TNS4: variants seen among roughly 807,000 people sequenced by gnomAD.
The protein encoded by TNS4 is tensin-4.
Under a neutral mutation model 70.4 loss-of-function variants are expected in TNS4, and 46 were observed. The ratio of observed to expected loss-of-function variants is 0.65; its 90% CI spans 0.52 to 0.84. The LOEUF (loss-of-function observed/expected upper bound fraction) is 0.84, where lower values mean the gene tolerates loss of function less well. TNS4 is among the 40% of genes least tolerant of loss of function. TNS4 has a pLI of 0.00. For missense variants in TNS4, 863 were observed against 907.0 expected (o/e 0.95, Z 0.62); for synonymous variants, 390 against 366.6 (o/e 1.06, Z -0.73).
intron 2 of TNS4, among the ~76,000 whole-genome samples, chr17:40,492,022 T>C (rs942411578): frequency 3.3e-5 from 5 of 152,134 alleles, no homozygotes; most frequent in Non-Finnish European, 7.4e-5. Flanking sequence ...CCACATTCTC[T>C]GTGGGATGGG....
chr17:40,484,649 C>T (rs372260006), intron 5 of TNS4, 40 bp from the exon 6 acceptor site: 162 of 1,607,312 alleles, frequency 1.0e-4, no homozygotes, highest in Non-Finnish European at 1.4e-4. Flanking sequence ...ACCGCCCCAC[C>T]TGGACACCCT....
intron 9 of TNS4, 127 bp downstream of exon 9, chr17:40,480,573 C>A (rs17557153): frequency 0.44 from 412,202 of 936,002 alleles, 96,841 homozygotes; most frequent in Non-Finnish European, 0.48. Flanking sequence ...GATGCAGAAA[C>A]AAAGCTGAGA....
chr17:40,488,338 A>T (rs2036019692), intron 3 of TNS4, among the ~76,000 whole-genome samples: 1 of 152,214 alleles, frequency 6.6e-6, no homozygotes, highest in Admixed American at 6.5e-5. Flanking sequence ...GGTAGCTATA[A>T]GTCAAGACTT....
chr17:40,486,026 G>A (rs377327168), intron 4 of TNS4, among the ~76,000 whole-genome samples: 103 of 151,774 alleles, frequency 6.8e-4, no homozygotes, highest in African/African-American at 1.5e-3. Flanking sequence ...GCCTGTGAGC[G>A]TCATGGCCAA....
At chr17:40,485,635 T>A (rs2035980886) in intron 4 of TNS4, among the ~76,000 whole-genome samples, 1 of 152,194 alleles carries the variant, frequency 6.6e-6, no homozygotes, top group African/African-American at 2.4e-5. Context: ...TTAGGAATAT[T>A]TTGCAGAATT....
intron 8 of TNS4, among the ~76,000 whole-genome samples, chr17:40,481,846 A>G (rs1425496248): frequency 2.0e-5 from 3 of 152,188 alleles, no homozygotes; most frequent in Non-Finnish European, 4.4e-5. Context: ...TTTATCCAAC[A>G]TCCATTCTAT....
chr17:40,480,069 A>C, intron 9 of TNS4: 2 of 564,238 alleles, frequency 3.5e-6, no homozygotes, highest in Non-Finnish European at 6.2e-6. Context: ...CTGGCCCTCC[A>C]GCATGGGGCA....
chr17:40,484,502 AC>A lies in TNS4; in HGVS notation c.1482del (p.Ser495LeufsTer93). 6.2e-7 allele frequency: 1 copy of A among 1,611,560 alleles called. No homozygotes were observed. Among genetic ancestry groups the A allele is most frequent in the Non-Finnish European group, 8.5e-7 (1 of 1,179,986 alleles). On this transcript the variant is annotated frameshift_variant, in exon 6 of 13. Transcript: ENST00000254051. LOFTEE classifies it high-confidence loss of function. ...GLALKVQEVP[A>X]SAQSRPGEDS... is the part of the protein sequence containing the mutation. ...CGCATACCTGGTCGACTCTGAGCAGACGCGGGAACCTCCTGCACCTTCAGGG... is the reference window on the plus strand; with the variant it reads ...CGCATACCTGGTCGACTCTGAGCAGAGCGGGAACCTCCTGCACCTTCAGGG...
intron 2 of TNS4, among the ~76,000 whole-genome samples, chr17:40,495,284 G>A (rs1057146606): frequency 4.6e-5 from 7 of 152,118 alleles, no homozygotes; most frequent in African/African-American, 1.7e-4. Context: ...TTGTGTTGGT[G>A]TGGTGGCAAT....
In TNS4 at chr17:40,477,735, G is replaced by C. The variant is rs199638359; in HGVS notation, c.2007-6C>G. 2.5e-5 allele frequency: 41 copies of C among 1,613,496 alleles called. No individual in the cohort carries two copies. The South Asian group carries it at 2.9e-4, about 11-fold the overall frequency. Reference sequence around the variant, plus strand: ...TGGCCACAAACCCAAAGATCCTGGTGGGGGAGGGCAGTCTGAGTGAGGGGT... The same window carrying C: ...TGGCCACAAACCCAAAGATCCTGGTCGGGGAGGGCAGTCTGAGTGAGGGGT... On this transcript the variant is annotated splice_region_variant and splice_polypyrimidine_tract_variant and intron_variant, in intron 12 of 12. Coordinates refer to ENST00000254051, the MANE Select transcript of TNS4 (RefSeq NM_032865.6).
chr17:40,493,797 G>A (rs1265138002), intron 2 of TNS4, among the ~76,000 whole-genome samples: 1 of 152,222 alleles, frequency 6.6e-6, no homozygotes, highest in African/African-American at 2.4e-5. Flanking sequence ...CGTGGAGGAA[G>A]GGCCTAGTTG....
At position 40,501,539 on chromosome 17, in the gene TNS4, G is replaced by A. The variant is rs2036216671; in HGVS notation, c.-101C>T. The A allele has an allele frequency of 6.6e-6, 1 of 151,854 alleles. No individual in the cohort carries two copies. The highest frequency in any genetic ancestry group is 1.5e-5 in the Non-Finnish European group (1 of 68,034). The allele number at this position is 151,854 out of a possible 1,614,324, so 9.4% of individuals were successfully genotyped here. Reference sequence around the variant, plus strand: ...TAAAGAATAAAGGCACCTACCTGGTGTCCACAGGTGGGCAGACTGTTGCCT... The same window carrying A: ...TAAAGAATAAAGGCACCTACCTGGTATCCACAGGTGGGCAGACTGTTGCCT... On this transcript the variant is annotated 5_prime_UTR_variant, in exon 1 of 13. Coordinates refer to ENST00000254051, the MANE Select transcript of TNS4 (RefSeq NM_032865.6).
rs2036005874 is a variant in TNS4, at chr17:40,487,449, A to AG, written c.874dup (p.Leu292ProfsTer40). On this transcript the variant is annotated frameshift_variant, in exon 4 of 13. Coordinates refer to ENST00000254051, the MANE Select transcript of TNS4 (RefSeq NM_032865.6). LOFTEE classifies it high-confidence loss of function. ...ATGGCTGGAGTTGCTGGAGTGCAGG[A>AG]GGGACTGGCTGCTGCAGCGGGAGAG... 3 of 1,606,382 alleles carry AG rather than the reference A, an allele frequency of 1.9e-6. No homozygotes were observed. The highest frequency in any genetic ancestry group is 2.6e-6 in the Non-Finnish European group (3 of 1,174,408).
intron 2 of TNS4, among the ~76,000 whole-genome samples, chr17:40,491,292 G>C (rs1476767318): frequency 6.6e-6 from 1 of 152,028 alleles, no homozygotes; most frequent in African/African-American, 2.4e-5. Flanking sequence ...GGTCTTTATT[G>C]AGTGCAATGT....
rs753292298 is a variant in TNS4 at position 40,488,771 on chromosome 17, C to A, written c.638G>T (p.Arg213Leu). ...GAGACCCTCTGAGGGGGGCAGAGGG[C>A]GCTGGTGCCCCCTGCCCTGGTTCCC... ...FSGNQGRGHQ[R>L]PLPPSEGLSP... Residue 213 changes from arginine (R) to leucine (L), a missense_variant, in exon 3 of 13, where the codon CGC (arginine) becomes CTC (leucine). Coordinates refer to ENST00000254051, the MANE Select transcript of TNS4 (RefSeq NM_032865.6). 6.2e-6 allele frequency: 10 copies of A among 1,609,210 alleles called. No individual in the cohort carries two copies. Among genetic ancestry groups the A allele is most frequent in the South Asian group, 3.3e-5 (3 of 90,972 alleles).
intron 1 of TNS4, among the ~76,000 whole-genome samples, chr17:40,500,760 C>T (rs1325421298): frequency 6.6e-6 from 1 of 152,154 alleles, no homozygotes; most frequent in African/African-American, 2.4e-5. Flanking sequence ...CTCCACTGCA[C>T]CCCCTATTTT....
intron 6 of TNS4, 24 bp downstream of exon 6, chr17:40,484,460 G>T: frequency 6.2e-7 from 1 of 1,606,464 alleles, no homozygotes. Flanking sequence ...GAGGCCTTGA[G>T]TGAGCACAGA....
intron 12 of TNS4, 38 bp from the exon 13 acceptor site, chr17:40,477,767 C>T (rs1391419800): frequency 3.7e-6 from 6 of 1,605,310 alleles, no homozygotes; most frequent in Non-Finnish European, 4.3e-6. Context: ...GGGTGGGACC[C>T]AGGGAGGCAT....
At chr17:40,494,484 C>A (rs1349935725) in intron 2 of TNS4, among the ~76,000 whole-genome samples, 1 of 152,200 alleles carries the variant, frequency 6.6e-6, no homozygotes, top group Admixed American at 6.5e-5. Flanking sequence ...GTAATCCCAG[C>A]ACTTTGGGAG....
Sources: gnomAD v4.1 joint callset for allele counts (sites outside exome capture counted in the v4.1 genomes callset) on GRCh38, gnomAD v4.1.1 for gene constraint, MANE v1.5 for transcripts, NCBI Gene and HGNC (gene_info 2026-07-23, HGNC 2026-07-21) for gene names.